IGSF21: variants seen among roughly 807,000 people sequenced by gnomAD.
The protein encoded by IGSF21 is immunoglobin superfamily member 21, also known as immunoglobulin superfamily member 21.
IGSF21 carries 28 observed loss-of-function variants against 46.8 expected under a neutral mutation model. That is an observed-to-expected ratio of 0.60 (90% CI 0.44 to 0.82). The LOEUF is 0.82. Among genes scored for constraint, IGSF21 ranks in the 40% least tolerant of loss-of-function variants. The probability of loss-of-function intolerance (pLI) is 0.00; values close to 1 mark genes in which losing one functional copy is unlikely to be tolerated. For missense variants in IGSF21, 624 were observed against 665.5 expected (o/e 0.94, Z 0.69); for synonymous variants, 284 against 273.6 (o/e 1.04, Z -0.38).
chr1:18,248,544 CCTT>C (rs139308942), intron 2 of IGSF21, among the ~76,000 whole-genome samples: 3,340 of 152,214 alleles, frequency 0.022, 129 homozygotes, highest in East Asian at 0.14. Flanking sequence ...CAGACAGTCT[CCTT>C]CTTGGGGCCT....
In IGSF21 at chr1:18,362,073, C is replaced by T. The variant is rs756404645; in HGVS notation, c.425-42C>T. ...TCATCAGTGAACTCTTCCTGAATCT[C>T]CCAGTTGAGCCCTTGTCTTCCTGTG... is the stretch of plus-strand genomic sequence containing the variant. On this transcript the variant is annotated intron_variant, in intron 4 of 9. Coordinates refer to ENST00000251296, the MANE Select transcript of IGSF21 (RefSeq NM_032880.5). 5 of 1,386,912 alleles carry T rather than the reference C, an allele frequency of 3.6e-6. No homozygotes were observed. The East Asian group carries it at 1.2e-4, about 33-fold the overall frequency. The allele number at this position is 1,386,912 out of a possible 1,614,324, so 85.9% of individuals were successfully genotyped here.
intron 2 of IGSF21, among the ~76,000 whole-genome samples, chr1:18,237,996 A>C (rs1189576619): frequency 7.9e-6 from 1 of 126,820 alleles, no homozygotes; most frequent in Non-Finnish European, 1.7e-5. Context: ...AAATATGTGG[A>C]TGGGCTTCTG....
chr1:18,372,850 ATGGATGGATGGATGGG>A lies in IGSF21; in HGVS notation c.1016-3444_1016-3429del, dbSNP rs1168963466. Among the ~76,000 whole-genome samples, 360 of 90,770 alleles carry A rather than the reference ATGGATGGATGGATGGG, an allele frequency of 4.0e-3. 2 individuals are homozygous for A. Among genetic ancestry groups the A allele is most frequent in the African/African-American group, 0.019 (338 of 17,372 alleles). The allele number at this position is 90,770 out of a possible 152,430, so 59.5% of individuals were successfully genotyped here. A position where few individuals can be genotyped will look rare whatever the true frequency, so the allele number is the denominator to read the frequency against. Reference sequence around the variant, plus strand: ...GATGGATGGATGGATGGATGGATGGATGGATGGATGGATGGGTGGATGGATGGATGGATGGATGGAT... The same window carrying A: ...GATGGATGGATGGATGGATGGATGGATGGATGGATGGATGGATGGATGGAT... On this transcript the variant is annotated intron_variant, in intron 6 of 9. Transcript: ENST00000251296.
intron 1 of IGSF21, among the ~76,000 whole-genome samples, chr1:18,190,728 A>G (rs1269125575): frequency 6.6e-6 from 1 of 151,972 alleles, no homozygotes; most frequent in African/African-American, 2.4e-5. Context: ...TCTTTATCTC[A>G]CAGGAGCCAG....
intron 1 of IGSF21, among the ~76,000 whole-genome samples, chr1:18,117,937 T>C (rs2086201488): frequency 6.6e-6 from 1 of 152,152 alleles, no homozygotes; most frequent in Admixed American, 6.5e-5. Flanking sequence ...GCAGGTCTTC[T>C]CCTTCAATGT....
intron 2 of IGSF21, among the ~76,000 whole-genome samples, chr1:18,250,641 C>T (rs150762198): frequency 1.9e-3 from 288 of 152,236 alleles, no homozygotes; most frequent in African/African-American, 6.4e-3. Flanking sequence ...GTTGAAATCT[C>T]GGCTCTGCCA....
At chr1:18,108,393 G>C (rs2086111390) in intron 1 of IGSF21, among the ~76,000 whole-genome samples, 195 bp downstream of exon 1, 1 of 146,004 alleles carries the variant, frequency 6.8e-6, no homozygotes, top group Non-Finnish European at 1.6e-5. Flanking sequence ...TTTGTGCCAG[G>C]GTGTGTGTGT....
intron 3 of IGSF21, among the ~76,000 whole-genome samples, chr1:18,296,866 C>T (rs560595394): frequency 3.9e-5 from 6 of 152,294 alleles, no homozygotes; most frequent in South Asian, 2.1e-4. Flanking sequence ...GCTCAGGAAG[C>T]GATGAGGAAC....
chr1:18,272,105 G>A (rs971612641), intron 2 of IGSF21, among the ~76,000 whole-genome samples: 2 of 152,138 alleles, frequency 1.3e-5, no homozygotes, highest in Non-Finnish European at 2.9e-5. Context: ...CATGGCAGAA[G>A]GTGAAAGGCA....
At chr1:18,297,564 G>A (rs2085323075) in intron 3 of IGSF21, among the ~76,000 whole-genome samples, 1 of 152,098 alleles carries the variant, frequency 6.6e-6, no homozygotes, top group African/African-American at 2.4e-5. Flanking sequence ...TGTGGTGAAG[G>A]GAATAAGGTA....
chr1:18,319,924 G>A (rs1395370707), intron 3 of IGSF21, among the ~76,000 whole-genome samples: 1 of 152,160 alleles, frequency 6.6e-6, no homozygotes, highest in Non-Finnish European at 1.5e-5. Flanking sequence ...TAAAATACGA[G>A]TTCTATGAGG....
chr1:18,178,846 A>G (rs2124467069), intron 1 of IGSF21, among the ~76,000 whole-genome samples: 1 of 152,004 alleles, frequency 6.6e-6, no homozygotes, highest in Non-Finnish European at 1.5e-5. Context: ...TCGGGGAGCG[A>G]GCGCAGGGAT....
intron 1 of IGSF21, among the ~76,000 whole-genome samples, chr1:18,201,973 C>G (rs1371643335): frequency 6.6e-6 from 1 of 152,226 alleles, no homozygotes; most frequent in Non-Finnish European, 1.5e-5. Context: ...TGACCCTCTT[C>G]TCCCTCTAGT....
At chr1:18,133,681 T>C (rs1231882203) in intron 1 of IGSF21, among the ~76,000 whole-genome samples, 1 of 152,218 alleles carries the variant, frequency 6.6e-6, no homozygotes, top group Non-Finnish European at 1.5e-5. Flanking sequence ...GAATACAAAG[T>C]AACCACTTTC....
At position 18,375,346 on chromosome 1, in the gene IGSF21, C is replaced by T. The variant is rs552536677; in HGVS notation, c.1016-964C>T. 1.8e-4 allele frequency among the ~76,000 whole-genome samples: 28 copies of T among 151,760 alleles called. No individual in the cohort carries two copies. The South Asian group carries it at 4.4e-3, about 24-fold the overall frequency. ...ATGAATCTGGGGGAAAGAGTGCTGG[C>T]GAGAAGGTCAGGAAACATGGTTAAC... On this transcript the variant is annotated intron_variant, in intron 6 of 9. Coordinates refer to ENST00000251296, the MANE Select transcript of IGSF21 (RefSeq NM_032880.5).
intron 6 of IGSF21, among the ~76,000 whole-genome samples, chr1:18,369,980 C>A (rs1477526407): frequency 6.6e-6 from 1 of 152,122 alleles, no homozygotes; most frequent in African/African-American, 2.4e-5. Context: ...GCCTTGCAGA[C>A]CCCTCACCTT....
intron 3 of IGSF21, among the ~76,000 whole-genome samples, chr1:18,324,887 C>T (rs1254627657): frequency 6.6e-6 from 1 of 152,174 alleles, no homozygotes; most frequent in South Asian, 2.1e-4. Flanking sequence ...ATTCCGTCTT[C>T]GGTATCCTTG....
intron 1 of IGSF21, among the ~76,000 whole-genome samples, chr1:18,220,118 GGTTCA>G (rs2084493859): frequency 6.6e-6 from 1 of 152,132 alleles, no homozygotes; most frequent in Admixed American, 6.5e-5. Flanking sequence ...TTGTTATGGT[GGTTCA>G]GTTAAGTGCC....
rs148526339 is a variant in IGSF21, at chr1:18,362,161, C to T, written c.471C>T (p.Pro157=). ...IEVVAADTPA[P]FSRYQAQNFT... ...TGGTGGCTGCTGACACACCAGCCCC[C>T]TTCAGCCGCTACCAAGCCCAGAACT... Residue 157 remains proline, a synonymous_variant, in exon 5 of 10, where the codon CCC becomes CCT. Transcript: ENST00000251296. 2.5e-6 allele frequency: 4 copies of T among 1,613,056 alleles called. No homozygotes were observed. Among genetic ancestry groups the T allele is most frequent in the Non-Finnish European group, 3.4e-6 (4 of 1,179,692 alleles).
Sources: gnomAD v4.1 joint callset for allele counts (sites outside exome capture counted in the v4.1 genomes callset) on GRCh38, gnomAD v4.1.1 for gene constraint, MANE v1.5 for transcripts, NCBI Gene and HGNC (gene_info 2026-07-23, HGNC 2026-07-21) for gene names.